BMPR2: variants seen among roughly 807,000 people sequenced by gnomAD.
The protein encoded by BMPR2 is bone morphogenetic protein receptor type 2, also known as bone morphogenetic protein receptor type-2.
A neutral mutation model predicts 100.8 loss-of-function variants in BMPR2; 29 were observed. The ratio of observed to expected loss-of-function variants is 0.29; its 90% CI spans 0.21 to 0.39. The LOEUF (loss-of-function observed/expected upper bound fraction) is 0.39. Ranked by LOEUF, BMPR2 falls within the 10% of genes least tolerant of loss-of-function variation. The pLI is 1.00. For missense variants in BMPR2, 1,011 were observed against 1,274.5 expected (o/e 0.79, Z 3.15); for synonymous variants, 382 against 442.3 (o/e 0.86, Z 1.71).
At chr2:202,509,019 G>A (rs1687577941) in intron 3 of BMPR2, among the ~76,000 whole-genome samples, 1 of 152,130 alleles carries the variant, frequency 6.6e-6, no homozygotes, top group African/African-American at 2.4e-5. Context: ...CTCTAAATAT[G>A]AAAAAGTTTT....
intron 3 of BMPR2, among the ~76,000 whole-genome samples, chr2:202,504,678 C>CTTTTTTTTTTTTTTT (rs144161668): frequency 2.7e-5 from 3 of 112,474 alleles, no homozygotes; most frequent in African/African-American, 6.9e-5. Flanking sequence ...ATAGTAGATT[C>CTTTTTTTTTTTTTTT]TTTTTTTTTT....
At chr2:202,498,757 A>T (rs1057197950) in intron 3 of BMPR2, among the ~76,000 whole-genome samples, 1 of 152,114 alleles carries the variant, frequency 6.6e-6, no homozygotes, top group African/African-American at 2.4e-5. Context: ...CTTGGCCCCA[A>T]TATTCTCTTT....
chr2:202,394,466 T>C (rs1690619973), intron 1 of BMPR2, among the ~76,000 whole-genome samples: 1 of 151,858 alleles, frequency 6.6e-6, no homozygotes. Context: ...TTAAGTAAAA[T>C]AGCTACTGTT....
chr2:202,558,191 C>T (rs1688615540), intron 12 of BMPR2, among the ~76,000 whole-genome samples: 4 of 152,146 alleles, frequency 2.6e-5, no homozygotes, highest in Admixed American at 1.3e-4. Flanking sequence ...TGGTGGTCTG[C>T]AACCTCTGCC....
At chr2:202,513,631 G>T in intron 3 of BMPR2, 88 bp from the exon 4 acceptor site, 3 of 912,626 alleles carry the variant, frequency 3.3e-6, no homozygotes, top group South Asian at 1.4e-5. Flanking sequence ...TTATACATGG[G>T]TACAGCCTTT....
At chr2:202,549,642 G>A (rs1010309922) in intron 10 of BMPR2, among the ~76,000 whole-genome samples, 4 of 151,764 alleles carry the variant, frequency 2.6e-5, no homozygotes, top group East Asian at 1.9e-4. Flanking sequence ...CCAGTTACTC[G>A]GGATTGAGGC....
chr2:202,421,978 G>A (rs561880310), intron 1 of BMPR2, among the ~76,000 whole-genome samples: 9 of 152,168 alleles, frequency 5.9e-5, no homozygotes, highest in African/African-American at 1.7e-4. Flanking sequence ...GTGCGATCTC[G>A]GCTCAGTGCA....
At chr2:202,480,171 C>T (rs1692631734) in intron 3 of BMPR2, among the ~76,000 whole-genome samples, 2 of 151,138 alleles carry the variant, frequency 1.3e-5, no homozygotes, top group African/African-American at 2.5e-5. Context: ...CTCACTCTGT[C>T]GCCCAGGCTG....
intron 1 of BMPR2, among the ~76,000 whole-genome samples, chr2:202,409,840 ACT>A (rs1222737722): frequency 6.0e-5 from 9 of 150,914 alleles, no homozygotes; most frequent in Non-Finnish European, 1.2e-4. Context: ...TAGCAATTCT[ACT>A]TTATATATAT....
chr2:202,473,951 A>G (rs190690386), intron 3 of BMPR2, among the ~76,000 whole-genome samples: 1 of 150,646 alleles, frequency 6.6e-6, no homozygotes, highest in Admixed American at 6.6e-5. Context: ...CTAAAAATAC[A>G]AAAATTAGCT....
At chr2:202,492,783 A>G (rs1454285731) in intron 3 of BMPR2, among the ~76,000 whole-genome samples, 1 of 152,036 alleles carries the variant, frequency 6.6e-6, no homozygotes, top group Non-Finnish European at 1.5e-5. Flanking sequence ...AGCAAGGGAA[A>G]CAACTAGGAA....
rs575027123 is a variant in BMPR2, at chr2:202,512,595, T to C, written c.419-1124T>C. ...ACAGTTCAGAGGTCTCAAACCTTCATAGTTGTACTTGCTCTCTTTTGGATA... is the reference window on the plus strand; with the variant it reads ...ACAGTTCAGAGGTCTCAAACCTTCACAGTTGTACTTGCTCTCTTTTGGATA... On this transcript the variant is annotated intron_variant, in intron 3 of 12. Transcript: ENST00000374580. Among the ~76,000 whole-genome samples the C allele has an allele frequency of 4.6e-4, 70 of 152,348 alleles. 1 individual carries two copies. Among genetic ancestry groups the C allele is most frequent in the Non-Finnish European group, 9.1e-4 (62 of 68,038 alleles).
chr2:202,472,557 G>A (rs541649312), intron 3 of BMPR2, among the ~76,000 whole-genome samples: 5 of 152,344 alleles, frequency 3.3e-5, no homozygotes, highest in African/African-American at 1.2e-4. Context: ...TACTTGGGAG[G>A]CTGAGGCAGA....
rs796177132 is a variant in BMPR2, at chr2:202,435,557, AAAAAC to A, written c.77-29247_77-29243del. ...AGGTTAATTTATTATCAAGGAAATA[AAAAAC>A]AAAAGTAATGTTGTCTAAGTATAGT... On this transcript the variant is annotated intron_variant, in intron 1 of 12. Coordinates refer to ENST00000374580, the MANE Select transcript of BMPR2 (RefSeq NM_001204.7). Among the ~76,000 whole-genome samples, 56 of 149,716 alleles carry A rather than the reference AAAAAC, an allele frequency of 3.7e-4. 6 individuals carry two copies. The highest frequency in any genetic ancestry group is 1.4e-3 in the African/African-American group (56 of 39,262).
intron 7 of BMPR2, 38 bp downstream of exon 7, chr2:202,520,239 G>GTT (rs766304189): frequency 7.0e-7 from 1 of 1,437,896 alleles, no homozygotes; most frequent in South Asian, 1.2e-5. Flanking sequence ...ACTCATGTGG[G>GTT]TTCAAAATTC....
intron 3 of BMPR2, among the ~76,000 whole-genome samples, chr2:202,480,113 C>G (rs969214008): frequency 4.6e-5 from 7 of 151,674 alleles, no homozygotes; most frequent in African/African-American, 1.5e-4. Context: ...TTTTGTCACT[C>G]TGAAACCATT....
At chr2:202,455,892 C>T (rs756265320) in intron 1 of BMPR2, among the ~76,000 whole-genome samples, 39 of 150,854 alleles carry the variant, frequency 2.6e-4, no homozygotes, top group African/African-American at 7.3e-4. Flanking sequence ...AGTGAAACCC[C>T]GTCTCTACTA....
chr2:202,548,148 A>G (rs185730697), intron 10 of BMPR2, among the ~76,000 whole-genome samples: 14 of 152,264 alleles, frequency 9.2e-5, no homozygotes, highest in African/African-American at 2.4e-4. Context: ...TTTAAGAAAT[A>G]TATAGTACAT....
rs1189004694 is a variant in BMPR2 at position 202,402,818 on chromosome 2, C to T, written c.76+25268C>T. ...AGCTGGGACTACAGGTGCATGCCAC[C>T]CTGTGTTGCTAATTTTTTTTTTTTT... On this transcript the variant is annotated intron_variant, in intron 1 of 12. Transcript: ENST00000374580. 2.6e-5 allele frequency among the ~76,000 whole-genome samples: 4 copies of T among 151,214 alleles called. No homozygotes were observed. The South Asian group carries it at 6.3e-4, about 24-fold the overall frequency.
Sources: allele counts gnomAD v4.1 joint callset (sites outside exome capture counted in the v4.1 genomes callset), GRCh38; gene constraint gnomAD v4.1.1; transcripts MANE v1.5; gene names NCBI Gene and HGNC (gene_info 2026-07-23, HGNC 2026-07-21).